PDPK1: variants seen among roughly 807,000 people sequenced by gnomAD.
PDPK1 encodes the protein 3-phosphoinositide dependent protein kinase 1.
Under a neutral mutation model 39.8 loss-of-function variants are expected in PDPK1, and 7 were observed. That is an observed-to-expected ratio of 0.18 (90% CI 0.10 to 0.33). The LOEUF is 0.33. Among genes scored for constraint, PDPK1 ranks in the 10% least tolerant of loss-of-function variants. The pLI is 1.00. For synonymous variants in PDPK1, 118 were observed against 159.1 expected (o/e 0.74, Z 1.95); for missense variants, 182 against 384.7 (o/e 0.47, Z 4.41).
Position 2,598,415 on chromosome 16 carries a change from G to C in PDPK1, c.*648G>C, listed in dbSNP as rs572787105. The stretch of plus-strand genomic sequence containing the variant: ...CTGCTGTGTTGGCAGGCAGGTTTGC[G>C]TGGTGAGGAGCGGGAGGGGTTGGAG... On this transcript the variant is annotated 3_prime_UTR_variant, in exon 14 of 14. Transcript: ENST00000342085. The C allele has an allele frequency of 8.5e-6, 2 of 234,550 alleles. No homozygotes were observed. Among genetic ancestry groups the C allele is most frequent in the Non-Finnish European group, 1.7e-5 (2 of 119,120 alleles). 14.5% of individuals were successfully genotyped at this position (234,550 alleles called of 1,614,324 possible).
intron 10 of PDPK1, among the ~76,000 whole-genome samples, chr16:2,584,921 G>A (rs376572720): frequency 9.2e-5 from 14 of 152,208 alleles, no homozygotes; most frequent in African/African-American, 2.7e-4. Flanking sequence ...CTGCTCCTGC[G>A]TGGTGTTTGG....
At chr16:2,589,535 A>G (rs2066945055) in intron 11 of PDPK1, among the ~76,000 whole-genome samples, 1 of 152,020 alleles carries the variant, frequency 6.6e-6, no homozygotes, top group Non-Finnish European at 1.5e-5. Context: ...AAAAAATACA[A>G]AAATCAACCA....
chr16:2,538,758 A>G (rs777838874), intron 1 of PDPK1: 163 of 1,285,702 alleles, frequency 1.3e-4, no homozygotes, highest in Middle Eastern at 2.1e-4. Context: ...CCGAGGGGAA[A>G]GTGAGCTTGA....
At chr16:2,594,223 T>A (rs1051449580) in intron 11 of PDPK1, 2 of 152,314 alleles carry the variant, frequency 1.3e-5, no homozygotes, top group African/African-American at 4.8e-5. Flanking sequence ...GATATTGATT[T>A]GATCATCTTA....
chr16:2,541,991 C>T (rs2066253543), intron 1 of PDPK1, among the ~76,000 whole-genome samples: 1 of 151,704 alleles, frequency 6.6e-6, no homozygotes, highest in African/African-American at 2.4e-5. Flanking sequence ...TTTTCTGTAC[C>T]TGATGTTGGT....
Position 2,560,718 on chromosome 16 carries a change from C to T in PDPK1, c.286-762C>T, listed in dbSNP as rs1413221559. ...GGTGGGGCCTCCCTGGCACAGCTGC[C>T]TCATGCTCTCTGGCTAAACCGTGGG... On this transcript the variant is annotated intron_variant, in intron 2 of 13. Transcript: ENST00000342085. Among the ~76,000 whole-genome samples the T allele has an allele frequency of 1.2e-3, 170 of 141,964 alleles. 1 individual carries two copies. Among genetic ancestry groups the T allele is most frequent in the African/African-American group, 4.0e-3 (145 of 36,484 alleles). The allele number at this position is 141,964 out of a possible 152,430, so 93.1% of individuals were successfully genotyped here.
In PDPK1 at chr16:2,545,212, A is replaced by G. The variant is rs535543983; in HGVS notation, c.24+7076A>G. ...ACCACCAGTCGTGGCTAATTTTTGCATTTTTAGTAGAGGTGGAATTTTATT... is the reference window on the plus strand; with the variant it reads ...ACCACCAGTCGTGGCTAATTTTTGCGTTTTTAGTAGAGGTGGAATTTTATT... On this transcript the variant is annotated intron_variant, in intron 1 of 13. Transcript: ENST00000342085. Among the ~76,000 whole-genome samples, 3 of 151,700 alleles carry G rather than the reference A, an allele frequency of 2.0e-5. No homozygotes were observed. In the East Asian group the frequency reaches 5.8e-4, roughly 30 times the overall value.
chr16:2,542,716 C>T (rs879714035), intron 1 of PDPK1, among the ~76,000 whole-genome samples: 13 of 152,228 alleles, frequency 8.5e-5, no homozygotes, highest in African/African-American at 4.8e-5. Flanking sequence ...GTGCTGGGAC[C>T]GGCCCAATCT....
intron 11 of PDPK1, among the ~76,000 whole-genome samples, chr16:2,592,151 A>T (rs2067001790): frequency 1.3e-5 from 2 of 152,054 alleles, no homozygotes; most frequent in African/African-American, 4.8e-5. Flanking sequence ...GATCCTTGAC[A>T]ATGCTCTTTT....
intron 11 of PDPK1, among the ~76,000 whole-genome samples, chr16:2,592,271 G>T (rs535933227): frequency 3.3e-4 from 50 of 152,218 alleles, no homozygotes; most frequent in Non-Finnish European, 6.5e-4. Flanking sequence ...ATCCTCCTCT[G>T]TGCAGAGGTG....
chr16:2,595,643 A>C, intron 11 of PDPK1, 150 bp from the exon 12 acceptor site: 2 of 674,962 alleles, frequency 3.0e-6, no homozygotes, highest in Non-Finnish European at 5.5e-6. Flanking sequence ...GCTGGGTTAC[A>C]TGTGGCGAAC....
intron 10 of PDPK1, 137 bp from the exon 11 acceptor site, chr16:2,586,539 G>A (rs2066878793): frequency 1.5e-6 from 1 of 682,820 alleles, no homozygotes; most frequent in Non-Finnish European, 2.5e-6. Flanking sequence ...GAGAATCAGG[G>A]CTGCCCACCC....
intron 10 of PDPK1, among the ~76,000 whole-genome samples, chr16:2,585,109 C>T (rs958796882): frequency 1.3e-5 from 2 of 152,238 alleles, no homozygotes; most frequent in African/African-American, 4.8e-5. Flanking sequence ...TCTCCAGTCT[C>T]AATGCCTGGG....
At chr16:2,596,447 G>A (rs2142009182) in intron 12 of PDPK1, among the ~76,000 whole-genome samples, 1 of 152,326 alleles carries the variant, frequency 6.6e-6, no homozygotes, top group African/African-American at 2.4e-5. Context: ...ACCCGTCTCA[G>A]CCTTCCAAAG....
intron 11 of PDPK1, among the ~76,000 whole-genome samples, chr16:2,587,273 CA>C (rs944225015): frequency 6.6e-6 from 1 of 152,096 alleles, no homozygotes; most frequent in Non-Finnish European, 1.5e-5. Flanking sequence ...AGGTGAGTGC[CA>C]GGGGCAGTGT....
chr16:2,541,139 G>A (rs1375196157), intron 1 of PDPK1, among the ~76,000 whole-genome samples: 2 of 152,222 alleles, frequency 1.3e-5, no homozygotes, highest in East Asian at 1.9e-4. Context: ...TCTGAGATGT[G>A]TTCTTATGAG....
Position 2,597,988 on chromosome 16 carries a change from G to A in PDPK1, c.*221G>A. On this transcript the variant is annotated 3_prime_UTR_variant, in exon 14 of 14. Coordinates refer to ENST00000342085, the MANE Select transcript of PDPK1 (RefSeq NM_002613.5). This position sits in a 1 kb window ranked among gnomAD's most constrained non-coding sequence, Gnocchi z 6.3. Reference sequence around the variant, plus strand: ...ACACAAAGGAATTCAGGGTCGCTTTGCTTGCTCTCTGTGCTCCGTGGAGGC... The same window carrying A: ...ACACAAAGGAATTCAGGGTCGCTTTACTTGCTCTCTGTGCTCCGTGGAGGC... 2 of 566,070 alleles carry A rather than the reference G, an allele frequency of 3.5e-6. No homozygotes were observed. The highest frequency in any genetic ancestry group is 6.3e-6 in the Non-Finnish European group (2 of 317,518). 35.1% of individuals were successfully genotyped at this position (566,070 alleles called of 1,614,324 possible).
intron 10 of PDPK1, among the ~76,000 whole-genome samples, 161 bp from the exon 11 acceptor site, chr16:2,586,515 G>C (rs981099568): frequency 2.0e-5 from 3 of 152,268 alleles, no homozygotes; most frequent in South Asian, 2.1e-4. Context: ...TCTGTGGCCA[G>C]GTGTCCCATG....
chr16:2,553,096 G>C (rs2066446277), intron 1 of PDPK1, among the ~76,000 whole-genome samples: 1 of 145,762 alleles, frequency 6.9e-6, no homozygotes, highest in Non-Finnish European at 1.5e-5. Flanking sequence ...TGGGGGGCTT[G>C]CATGGTGACC....
Sources: gnomAD v4.1 joint callset for allele counts (sites outside exome capture counted in the v4.1 genomes callset) on GRCh38, gnomAD v4.1.1 for gene constraint, Gnocchi (gnomAD v3.1) non-coding constraint, MANE v1.5 for transcripts, NCBI Gene and HGNC (gene_info 2026-07-23, HGNC 2026-07-21) for gene names.